PAPOLG: variants seen among roughly 807,000 people sequenced by gnomAD.
The protein encoded by PAPOLG is PAP-gamma.
A neutral mutation model predicts 99.0 loss-of-function variants in PAPOLG; 40 were observed. That is an observed-to-expected ratio of 0.40 (90% confidence interval 0.31 to 0.53). The LOEUF is 0.53. Ranked by LOEUF, PAPOLG falls within the 20% of genes least tolerant of loss-of-function variation. The pLI, the probability that PAPOLG is intolerant of heterozygous loss-of-function variation, is 0.41. For synonymous variants in PAPOLG, 310 were observed against 299.3 expected (o/e 1.04, Z -0.37); for missense variants, 675 against 884.1 (o/e 0.76, Z 3.00).
chr2:60,758,181 A>G (rs1290310603), intron 1 of PAPOLG, among the ~76,000 whole-genome samples: 1 of 152,238 alleles, frequency 6.6e-6, no homozygotes, highest in Non-Finnish European at 1.5e-5. Context: ...TACACAAACA[A>G]TACCAAAACA....
At chr2:60,770,139 G>A (rs1269838140) in intron 5 of PAPOLG, among the ~76,000 whole-genome samples, 2 of 152,160 alleles carry the variant, frequency 1.3e-5, no homozygotes, top group Non-Finnish European at 2.9e-5. Context: ...TTGCTTTCCA[G>A]TTCTGAGGAA....
chr2:60,758,422 A>ATT lies in PAPOLG; in HGVS notation c.18-1691_18-1690dup, dbSNP rs11340370. Among the ~76,000 whole-genome samples the ATT allele has an allele frequency of 3.0e-4, 21 of 70,076 alleles. 2 individuals are homozygous for ATT. Among genetic ancestry groups the ATT allele is most frequent in the African/African-American group, 9.1e-4 (15 of 16,564 alleles). The allele number at this position is 70,076 out of a possible 152,430, so 46.0% of individuals were successfully genotyped here. A position where few individuals can be genotyped will look rare whatever the true frequency, so the allele number is the denominator to read the frequency against. On this transcript the variant is annotated intron_variant, in intron 1 of 21. Coordinates refer to ENST00000238714, the MANE Select transcript of PAPOLG (RefSeq NM_022894.4). ...TCTTTCTCCCTCTCTGCCTAATGAG[A>ATT]TTTTTTTTTTTTTTTTTTTTTTGAG...
rs146772717 is a variant in PAPOLG, at chr2:60,787,521, G to A, written c.1297G>A (p.Val433Ile). 5.1e-5 allele frequency: 83 copies of A among 1,612,618 alleles called. No individual in the cohort carries two copies. The highest frequency in any genetic ancestry group is 8.4e-5 in the Admixed American group (5 of 59,752). Residue 433 changes from valine (V) to isoleucine (I), a missense_variant, in exon 15 of 22, where the codon GTA (valine) becomes ATA (isoleucine). Around this residue, in one of 3 missense-constraint regions of PAPOLG, gnomAD observed 413 missense variants for 460.5 expected, o/e 0.90. Coordinates refer to ENST00000238714, the MANE Select transcript of PAPOLG (RefSeq NM_022894.4). ...NKEHHKDNNY[V>I]SMWFLGIIFR... is the part of the protein sequence containing the mutation. ...AATTTTACTTTATAGCAACAATTAC[G>A]TATCAATGTGGTTCCTTGGGATAAT...
At chr2:60,786,823 C>A in intron 13 of PAPOLG, 124 bp from the exon 14 acceptor site, 1 of 1,190,556 alleles carries the variant, frequency 8.4e-7, no homozygotes. Flanking sequence ...AGCCACCATG[C>A]CCAGCCCGAA....
intron 7 of PAPOLG, among the ~76,000 whole-genome samples, chr2:60,773,622 C>T (rs1480920224): frequency 6.6e-6 from 1 of 151,446 alleles, no homozygotes; most frequent in Non-Finnish European, 1.5e-5. Flanking sequence ...TACTATCATG[C>T]CTTGGTCATT....
chr2:60,757,627 T>C (rs947895010), intron 1 of PAPOLG, among the ~76,000 whole-genome samples: 4 of 151,186 alleles, frequency 2.6e-5, no homozygotes, highest in African/African-American at 4.9e-5. Flanking sequence ...TAATATTAAT[T>C]ATTGTATTGT....
intron 3 of PAPOLG, among the ~76,000 whole-genome samples, chr2:60,764,434 G>A (rs1383387802): frequency 8.6e-6 from 1 of 115,730 alleles, no homozygotes; most frequent in Non-Finnish European, 1.8e-5. Context: ...TTTTTTTTTT[G>A]GCGATGGGCT....
chr2:60,780,657 A>T, intron 9 of PAPOLG, 50 bp from the exon 10 acceptor site: 1 of 1,542,470 alleles, frequency 6.5e-7, no homozygotes, highest in Non-Finnish European at 9.0e-7. Flanking sequence ...AGTTTCATGT[A>T]GTACCTGAAG....
intron 18 of PAPOLG, 59 bp from the exon 19 acceptor site, chr2:60,793,912 T>A (rs1289149963): frequency 2.6e-6 from 4 of 1,538,746 alleles, no homozygotes; most frequent in East Asian, 2.3e-5. Context: ...AGACCCTGTC[T>A]CAAGGAAAAA....
intron 7 of PAPOLG, 118 bp from the exon 8 acceptor site, chr2:60,774,916 C>A (rs1670971369): frequency 2.7e-6 from 4 of 1,481,614 alleles, no homozygotes; most frequent in Non-Finnish European, 3.6e-6. Context: ...ATAAAATAAG[C>A]CCCAATGTTT....
chr2:60,784,360 G>T lies in PAPOLG; in HGVS notation c.1166+1151G>T, dbSNP rs1671294269. On this transcript the variant is annotated intron_variant, in intron 13 of 21. Coordinates refer to ENST00000238714, the MANE Select transcript of PAPOLG (RefSeq NM_022894.4). ...TATCCTTTTAATTTAGGAGATAATGGCTTAAATCTTTCAGATTAAGCTTCC... is the reference window on the plus strand; with the variant it reads ...TATCCTTTTAATTTAGGAGATAATGTCTTAAATCTTTCAGATTAAGCTTCC... 1.3e-5 allele frequency among the ~76,000 whole-genome samples: 2 copies of T among 152,196 alleles called. 1 individual carries two copies. The highest frequency in any genetic ancestry group is 6.3e-3 in the Middle Eastern group (2 of 316).
intron 3 of PAPOLG, among the ~76,000 whole-genome samples, chr2:60,766,525 G>A (rs1670680193): frequency 6.6e-6 from 1 of 151,864 alleles, no homozygotes; most frequent in East Asian, 1.9e-4. Flanking sequence ...AATTACCCAG[G>A]CACAGTGGTA....
At chr2:60,768,105 T>A in intron 3 of PAPOLG, among the ~76,000 whole-genome samples, 1 of 152,184 alleles carries the variant, frequency 6.6e-6, no homozygotes, top group Admixed American at 6.5e-5. Flanking sequence ...ATGGTGATTT[T>A]TTTTTTTATT....
At position 60,780,767 on chromosome 2, in the gene PAPOLG, C is replaced by G. The variant is rs376404495; in HGVS notation, c.894C>G (p.Val298=). 3.8e-5 allele frequency: 62 copies of G among 1,612,536 alleles called. No individual in the cohort carries two copies. The highest frequency in any genetic ancestry group is 5.0e-5 in the Non-Finnish European group (59 of 1,178,668). The part of the protein sequence containing the change: ...QPEESNLNLP[V]WDPRVNPSDR... ...AAGAAAGCAATTTGAATTTGCCTGT[C>G]TGGGATCCTCGGGTATGTGATTTAT... Residue 298 remains valine (V), a synonymous_variant, in exon 10 of 22, where the codon GTC becomes GTG. Transcript: ENST00000238714.
intron 7 of PAPOLG, among the ~76,000 whole-genome samples, chr2:60,771,971 T>TA (rs1266700404): frequency 3.3e-5 from 5 of 152,110 alleles, no homozygotes; most frequent in Non-Finnish European, 7.4e-5. Context: ...AAAAAGTACT[T>TA]ATTCATTTAT....
chr2:60,759,843 C>G (rs142119438), intron 1 of PAPOLG, among the ~76,000 whole-genome samples: 2 of 152,320 alleles, frequency 1.3e-5, no homozygotes, highest in African/African-American at 4.8e-5. Flanking sequence ...CAATCAAACT[C>G]TGGGTTTGAG....
intron 15 of PAPOLG, among the ~76,000 whole-genome samples, chr2:60,789,073 A>C (rs1023675146): frequency 1.3e-5 from 2 of 152,142 alleles, no homozygotes; most frequent in African/African-American, 2.4e-5. Flanking sequence ...AAACTATGGC[A>C]AGAACAAAAA....
Position 60,760,175 on chromosome 2 carries a change from G to C in PAPOLG, c.59G>C (p.Gly20Ala), listed in dbSNP as rs1670481215. The C allele has an allele frequency of 6.2e-7, 1 of 1,613,840 alleles. No homozygotes were observed. The highest frequency in any genetic ancestry group is 8.5e-7 in the Non-Finnish European group (1 of 1,179,920). ...AGCCAGCGTCAACAAAAGCATTATG[G>C]AATTACCTCCCCAATTAGTTTGGCA... is the stretch of plus-strand genomic sequence containing the variant. ...LDSQRQQKHYGITSPISLASP... is the reference protein window; with the variant it reads ...LDSQRQQKHYAITSPISLASP... Residue 20 changes from glycine (G) to alanine (A), a missense_variant, in exon 2 of 22, where the codon GGA becomes GCA. This residue lies in a region of PAPOLG where 149 missense variants were observed against 192.1 expected (regional missense o/e 0.78). Transcript: ENST00000238714.
chr2:60,787,781 G>T (rs1269467792), intron 15 of PAPOLG, among the ~76,000 whole-genome samples, 161 bp downstream of exon 15: 3 of 152,254 alleles, frequency 2.0e-5, no homozygotes, highest in Admixed American at 2.0e-4. Flanking sequence ...GCCGGGTGCG[G>T]TGGCTAATGC....
Sources: allele counts gnomAD v4.1 joint callset (sites outside exome capture counted in the v4.1 genomes callset), GRCh38; gene constraint gnomAD v4.1.1; regional missense constraint gnomAD v4.1.1; transcripts MANE v1.5; gene names NCBI Gene and HGNC (gene_info 2026-07-23, HGNC 2026-07-21).